RNLS: variants seen among roughly 807,000 people sequenced by gnomAD.
RNLS encodes the protein renalase.
A neutral mutation model predicts 39.8 loss-of-function variants in RNLS; 39 were observed. The observed-to-expected ratio is 0.98, with a 90% CI of 0.76 to 1.28. The LOEUF is 1.28. Ranked by LOEUF, RNLS falls within the 50% of genes most tolerant of loss-of-function variation. RNLS has a pLI of 0.00. For missense variants in RNLS, 410 were observed against 413.3 expected (o/e 0.99, Z 0.07); for synonymous variants, 147 against 150.7 (o/e 0.98, Z 0.18).
At chr10:88,465,109 C>T (rs1199953276) in intron 4 of RNLS, among the ~76,000 whole-genome samples, 1 of 152,034 alleles carries the variant, frequency 6.6e-6, no homozygotes, top group Non-Finnish European at 1.5e-5. Flanking sequence ...CGAAGAGTGC[C>T]TCCTAATTGA....
At position 88,355,946 on chromosome 10, in the gene RNLS, C is replaced by A. The variant is rs138297268; in HGVS notation, c.700+6606G>T. On this transcript the variant is annotated intron_variant, in intron 5 of 6. Coordinates refer to ENST00000331772, the MANE Select transcript of RNLS (RefSeq NM_001031709.3). ...CTCCCCCAGCCTCGCTGCTGCCTTG[C>A]AGTTCGATCTCAGACTGCTGTGCTG... 8.2e-3 allele frequency among the ~76,000 whole-genome samples: 1,247 copies of A among 152,342 alleles called. 22 individuals carry two copies. Among genetic ancestry groups the A allele is most frequent in the South Asian group, 0.029 (140 of 4,828 alleles).
intron 4 of RNLS, among the ~76,000 whole-genome samples, chr10:88,488,093 G>C (rs185253278): frequency 1.3e-5 from 2 of 152,224 alleles, no homozygotes; most frequent in African/African-American, 4.8e-5. Flanking sequence ...GAGAAGGTAT[G>C]AATTACAAAG....
At position 88,285,369 on chromosome 10, in the gene RNLS, T is replaced by C. The variant is rs1221811525; in HGVS notation, c.1014A>G (p.Leu338=). Residue 338 remains leucine, a synonymous_variant, in exon 7 of 7, where the codon TTA becomes TTG. Transcript: ENST00000331772. ...ITSALCVLEA[L]KNYI ...GATATAGGCACTAAATATAATTCTTTAAAGCTTCCAGAACACATAGGGCAG... is the reference window on the plus strand; with the variant it reads ...GATATAGGCACTAAATATAATTCTTCAAAGCTTCCAGAACACATAGGGCAG... 4 of 1,611,708 alleles carry C rather than the reference T, an allele frequency of 2.5e-6. No homozygotes were observed. In the African/African-American group the frequency reaches 4.0e-5, roughly 16 times the overall value.
intron 5 of RNLS, among the ~76,000 whole-genome samples, chr10:88,326,541 C>T (rs559427727): frequency 6.6e-6 from 1 of 152,288 alleles, no homozygotes; most frequent in Admixed American, 6.5e-5. Flanking sequence ...GGTCTGTGTG[C>T]TCTTAAAAGC....
At chr10:88,281,161 C>G (rs73360731), downstream of RNLS, among the ~76,000 whole-genome samples, 1,654 of 152,250 alleles carry the variant, frequency 0.011, 28 homozygotes, top group African/African-American at 0.035. Context: ...TTTGCTGAGA[C>G]TTTTTTCTCC....
the RNLS span, among the ~76,000 whole-genome samples, chr10:88,227,786 A>T: frequency 6.6e-6 from 1 of 152,354 alleles, no homozygotes; most frequent in East Asian, 1.9e-4. Context: ...CTACATGGAC[A>T]GCTGCCAGGA....
downstream of RNLS, among the ~76,000 whole-genome samples, chr10:88,280,139 T>C (rs1269645313): frequency 6.6e-6 from 1 of 152,162 alleles, no homozygotes; most frequent in African/African-American, 2.4e-5. Flanking sequence ...AACATCATCA[T>C]TGTTATTATT....
the RNLS span, among the ~76,000 whole-genome samples, chr10:88,227,426 A>G: frequency 0.51 from 77,978 of 152,012 alleles, 20,051 homozygotes; most frequent in East Asian, 0.59. Context: ...TCTAATAACA[A>G]TATGCTATGG....
chr10:88,330,704 A>T (rs1041803214), intron 5 of RNLS, among the ~76,000 whole-genome samples: 1 of 152,176 alleles, frequency 6.6e-6, no homozygotes, highest in Non-Finnish European at 1.5e-5. Flanking sequence ...TGATTTCCTT[A>T]TATATCAGTG....
chr10:88,426,444 T>A (rs914223017), intron 4 of RNLS, among the ~76,000 whole-genome samples: 3 of 151,904 alleles, frequency 2.0e-5, no homozygotes, highest in Non-Finnish European at 4.4e-5. Flanking sequence ...CAATTCCCCC[T>A]TTTTTTACTG....
At chr10:88,208,820 T>C in the RNLS span, among the ~76,000 whole-genome samples, 1 of 152,138 alleles carries the variant, frequency 6.6e-6, no homozygotes, top group South Asian at 2.1e-4. Flanking sequence ...CAGATCAAAT[T>C]TAGAGGAATG....
the RNLS span, among the ~76,000 whole-genome samples, chr10:88,216,700 G>C: frequency 6.6e-6 from 1 of 152,050 alleles, no homozygotes; most frequent in Non-Finnish European, 1.5e-5. Flanking sequence ...CATAAATGCT[G>C]GAAATGTGGA....
chr10:88,447,559 A>G (rs548805760), intron 4 of RNLS, among the ~76,000 whole-genome samples: 43 of 152,256 alleles, frequency 2.8e-4, no homozygotes, highest in Non-Finnish European at 3.5e-4. Context: ...GGAAGAATCA[A>G]TATCAGGAAA....
chr10:88,339,888 G>T (rs188628699), intron 5 of RNLS, among the ~76,000 whole-genome samples: 2 of 152,256 alleles, frequency 1.3e-5, no homozygotes, highest in Admixed American at 1.3e-4. Context: ...GCTGATGTTG[G>T]GCTGTGAGGC....
At chr10:88,191,829 T>C in the RNLS span, among the ~76,000 whole-genome samples, 2 of 152,160 alleles carry the variant, frequency 1.3e-5, no homozygotes, top group African/African-American at 2.4e-5. Context: ...TGGGTCCAGT[T>C]TCCTCACTTG....
At chr10:88,202,098 C>T in the RNLS span, among the ~76,000 whole-genome samples, 1 of 152,010 alleles carries the variant, frequency 6.6e-6, no homozygotes, top group African/African-American at 2.4e-5. Context: ...CACATATACA[C>T]CATGGAATAC....
chr10:88,274,665 G>A (rs1842747163), exon 7 of RNLS: 2 of 312,490 alleles, frequency 6.4e-6, no homozygotes, highest in African/African-American at 4.2e-5. Context: ...GTGTACAAAT[G>A]TTCGTTCAAG....
chr10:88,421,103 C>T (rs566964240), intron 4 of RNLS, among the ~76,000 whole-genome samples: 1 of 152,190 alleles, frequency 6.6e-6, no homozygotes. Context: ...CAGGAACAAG[C>T]CTATCACTCT....
At chr10:88,221,033 GACTCC>G in the RNLS span, among the ~76,000 whole-genome samples, 1 of 152,142 alleles carries the variant, frequency 6.6e-6, no homozygotes, top group African/African-American at 2.4e-5. Flanking sequence ...GTGCTCCCAA[GACTCC>G]ACCTGCTCCC....
Sources: gnomAD v4.1 joint callset for allele counts (sites outside exome capture counted in the v4.1 genomes callset) on GRCh38, gnomAD v4.1.1 for gene constraint, MANE v1.5 for transcripts, NCBI Gene and HGNC (gene_info 2026-07-23, HGNC 2026-07-21) for gene names.